Variants in ACOT1 observed in about 807,000 individuals in gnomAD.
ACOT1 encodes the protein acyl-coenzyme A thioesterase 1.
ACOT1 carries 8 observed loss-of-function variants against 15.7 expected under a neutral mutation model. The observed-to-expected ratio is 0.51, with a 90% CI of 0.30 to 0.92. The LOEUF (loss-of-function observed/expected upper bound fraction) is 0.92. Ranked by LOEUF, ACOT1 falls within the 40% of genes least tolerant of loss-of-function variation. The pLI, the probability that ACOT1 is intolerant of heterozygous loss-of-function variation, is 0.06. For missense variants in ACOT1, 151 were observed against 539.4 expected, an observed-to-expected ratio of 0.28 and a Z score of 7.13; for synonymous variants, 67 against 241.2, an observed-to-expected ratio of 0.28 and a Z score of 6.69.
chr14:73,517,816 C>T, the ACOT1 span, among the ~76,000 whole-genome samples: 5 of 151,864 alleles, frequency 3.3e-5, no homozygotes, highest in Admixed American at 6.6e-5. Context: ...AGGCTGGACA[C>T]GGTGGCTCAC....
the ACOT1 span, among the ~76,000 whole-genome samples, chr14:73,510,373 G>A: frequency 6.6e-6 from 1 of 151,954 alleles, no homozygotes; most frequent in Admixed American, 6.6e-5. Context: ...TGGGACAGGA[G>A]CATAGTTTGT....
chr14:73,503,297 T>C, the ACOT1 span, among the ~76,000 whole-genome samples: 2 of 152,214 alleles, frequency 1.3e-5, no homozygotes, highest in Non-Finnish European at 2.9e-5. Flanking sequence ...CTTTAAACTA[T>C]GTAGTATCAG....
chr14:73,492,171 C>A, the ACOT1 span: 1 of 1,613,970 alleles, frequency 6.2e-7, no homozygotes, highest in Non-Finnish European at 8.5e-7. This position sits in a 1 kb window ranked among gnomAD's most constrained non-coding sequence, Gnocchi z 4.9. Flanking sequence ...CTCGGTGAGC[C>A]GGTGCTGCAG....
chr14:73,496,748 A>G, the ACOT1 span: 1 of 862,128 alleles, frequency 1.2e-6, no homozygotes, highest in South Asian at 1.4e-5. Context: ...GGTAGAAAAT[A>G]TAGGACTTGG....
In ACOT1 at chr14:73,537,837, T is replaced by G. The variant is rs757364748; in HGVS notation, c.416T>G (p.Val139Gly). ...FLPPGVRREP[V>G]RAGRVRGTLF... ...CCGCCCGGGGTGCGGCGCGAGCCGGTGCGCGCGGGCCGGGTGCGAGGCACG... is the reference window on the plus strand; with the variant it reads ...CCGCCCGGGGTGCGGCGCGAGCCGGGGCGCGCGGGCCGGGTGCGAGGCACG... The change falls in exon 1 of 3, where the codon GTG (valine) becomes GGG (glycine). Residue 139 changes from valine (V) to glycine (G), a missense_variant. Coordinates refer to ENST00000311148, the MANE Select transcript of ACOT1 (RefSeq NM_001037161.2). 12 of 1,209,186 alleles carry G rather than the reference T, an allele frequency of 9.9e-6. 3 individuals carry two copies. In the African/African-American group the frequency reaches 1.7e-4, roughly 18 times the overall value. The allele number at this position is 1,209,186 out of a possible 1,614,324, so 74.9% of individuals were successfully genotyped here.
upstream of ACOT1, among the ~76,000 whole-genome samples, chr14:73,533,476 C>G (rs1477845444): frequency 8.8e-6 from 1 of 113,946 alleles, no homozygotes; most frequent in Non-Finnish European, 1.9e-5. Flanking sequence ...GTCAGAAGTT[C>G]AAGACCAGCC....
chr14:73,514,669 G>A, the ACOT1 span, among the ~76,000 whole-genome samples: 1 of 152,146 alleles, frequency 6.6e-6, no homozygotes, highest in African/African-American at 2.4e-5. Context: ...GAGAATAATA[G>A]TGCTATAAGC....
chr14:73,519,120 C>T, the ACOT1 span: 1 of 1,613,908 alleles, frequency 6.2e-7, no homozygotes, highest in Middle Eastern at 1.6e-4. Flanking sequence ...CCAGGACAAT[C>T]TGGTCTCTCT....
In ACOT1 at chr14:73,543,209, C is replaced by T. The variant is rs1411779281; in HGVS notation, c.820C>T (p.Pro274Ser). 2.1e-5 allele frequency: 34 copies of T among 1,604,244 alleles called. No homozygotes were observed. The highest frequency in any genetic ancestry group is 2.7e-5 in the Non-Finnish European group (32 of 1,175,930). Residue 274 changes from proline to serine, a missense_variant, in exon 3 of 3, where the codon CCT (proline) becomes TCT (serine). By Grantham distance (74) the Pro-to-Ser change is moderately conservative (BLOSUM62 -1). Transcript: ENST00000311148. ...ACGCTACAAGGGCGAGACCCTGCCC[C>T]CTGTGGGCGTCAACAGAAATCGCAT... ...TLRYKGETLP[P>S]VGVNRNRIKV...
At chr14:73,520,485 A>G in the ACOT1 span, 363 of 172,278 alleles carry the variant, frequency 2.1e-3, no homozygotes, top group African/African-American at 8.2e-3. Context: ...TTTTTCCAAC[A>G]TAGCACCTTG....
the ACOT1 span, chr14:73,491,051 A>G: frequency 3.1e-6 from 5 of 1,589,430 alleles, no homozygotes; most frequent in Admixed American, 8.7e-5. Flanking sequence ...AGGGCCGTTG[A>G]GGCGCGGGCG....
At chr14:73,510,307 A>G in the ACOT1 span, among the ~76,000 whole-genome samples, 2 of 152,146 alleles carry the variant, frequency 1.3e-5, no homozygotes, top group Non-Finnish European at 2.9e-5. Flanking sequence ...TTTTGGTTCA[A>G]CTAAACAGTA....
chr14:73,504,668 G>A, the ACOT1 span, among the ~76,000 whole-genome samples: 2 of 152,196 alleles, frequency 1.3e-5, no homozygotes, highest in African/African-American at 4.8e-5. Flanking sequence ...GGTGATTACT[G>A]TACTGAGTGG....
At chr14:73,491,073 G>A in the ACOT1 span, 1 of 1,595,528 alleles carries the variant, frequency 6.3e-7, no homozygotes, top group Non-Finnish European at 8.5e-7. Flanking sequence ...CCGAAGCGCC[G>A]GCGCAAGCCC....
chr14:73,492,254 G>T, the ACOT1 span: 1 of 1,614,038 alleles, frequency 6.2e-7, no homozygotes, highest in Non-Finnish European at 8.5e-7. The surrounding 1 kb of genome is among the most constrained non-coding windows in gnomAD (Gnocchi z 4.9). Flanking sequence ...CCAGGATGGA[G>T]TCCACTCTCT....
At chr14:73,520,853 A>G in the ACOT1 span, 1 of 1,613,352 alleles carries the variant, frequency 6.2e-7, no homozygotes, top group Non-Finnish European at 8.5e-7. Context: ...CTCTATTACC[A>G]AAGTAAATCT....
At chr14:73,491,499 C>A in the ACOT1 span, 2 of 1,512,208 alleles carry the variant, frequency 1.3e-6, no homozygotes, top group Middle Eastern at 2.3e-4. Flanking sequence ...GTCCAGTCGT[C>A]CGGGGCCCCT....
upstream of ACOT1, among the ~76,000 whole-genome samples, chr14:73,535,792 A>C (rs1339726920): frequency 3.5e-5 from 4 of 114,312 alleles, 1 homozygote; most frequent in Non-Finnish European, 5.7e-5. Flanking sequence ...TTTTCTTGTT[A>C]GAGACAGGGT....
At chr14:73,491,856 G>T in the ACOT1 span, 1 of 1,609,966 alleles carries the variant, frequency 6.2e-7, no homozygotes, top group South Asian at 1.1e-5. Context: ...CCACCCGGCC[G>T]CGCGCTGCCC....
Sources: allele counts gnomAD v4.1 joint callset (sites outside exome capture counted in the v4.1 genomes callset), GRCh38; gene constraint gnomAD v4.1.1; non-coding constraint Gnocchi (gnomAD v3.1); transcripts MANE v1.5; gene names NCBI Gene and HGNC (gene_info 2026-07-23, HGNC 2026-07-21).